RAD51B: variants seen among roughly 807,000 people sequenced by gnomAD.
RAD51B encodes DNA repair protein RAD51 homolog 2.
RAD51B carries 38 observed loss-of-function variants against 42.2 expected under a neutral mutation model. The observed-to-expected ratio is 0.90, with a 90% CI of 0.70 to 1.18. The LOEUF is 1.18. Ranked by LOEUF, RAD51B falls within the 50% of genes most tolerant of loss-of-function variation. The probability of loss-of-function intolerance (pLI) is 0.00; values close to 1 mark genes in which losing one functional copy is unlikely to be tolerated. For synonymous variants in RAD51B, 154 were observed against 145.2 expected (o/e 1.06, Z -0.43); for missense variants, 373 against 400.7 (o/e 0.93, Z 0.59).
chr14:68,596,500 G>A (rs1348183605), downstream of RAD51B, among the ~76,000 whole-genome samples: 2 of 152,190 alleles, frequency 1.3e-5, no homozygotes, highest in Non-Finnish European at 2.9e-5. Flanking sequence ...GAAGGATGAT[G>A]AAGGGAATTG....
Position 68,553,977 on chromosome 14 carries a change from T to G in RAD51B, c.1037-40508T>G, listed in dbSNP as rs1016716182. ...ACCCTGAGTTACTTTTAGGGTATAA[T>G]AATAACAACAATGAAAACTTTCTAC... On this transcript the variant is annotated intron_variant, in intron 10 of 10. Transcript: ENST00000487270. 9.8e-5 allele frequency among the ~76,000 whole-genome samples: 15 copies of G among 152,294 alleles called. No homozygotes were observed. In the South Asian group the frequency reaches 1.5e-3, roughly 15 times the overall value.
intron 7 of RAD51B, among the ~76,000 whole-genome samples, chr14:68,241,573 C>A (rs899132883): frequency 1.3e-5 from 2 of 152,104 alleles, no homozygotes; most frequent in African/African-American, 4.8e-5. Context: ...AATTGTCAAT[C>A]ATGGTGTCAT....
At chr14:68,535,807 G>A (rs978070283) in intron 10 of RAD51B, among the ~76,000 whole-genome samples, 4 of 152,168 alleles carry the variant, frequency 2.6e-5, no homozygotes, top group African/African-American at 9.7e-5. Flanking sequence ...CTAACTCTCA[G>A]TGAGATACAT....
chr14:68,367,335 G>A (rs921801664), intron 8 of RAD51B, among the ~76,000 whole-genome samples: 4 of 152,212 alleles, frequency 2.6e-5, no homozygotes, highest in Admixed American at 6.5e-5. Context: ...ATCATTGAGT[G>A]TGAGGATTCC....
downstream of RAD51B, among the ~76,000 whole-genome samples, chr14:68,613,076 A>G (rs1382859595): frequency 1.3e-5 from 2 of 152,232 alleles, no homozygotes. Context: ...GGCCTGCCCC[A>G]TGACTAATAG....
At chr14:68,411,394 T>C (rs1364766910) in intron 8 of RAD51B, 30 bp from the exon 9 acceptor site, 2 of 1,591,592 alleles carry the variant, frequency 1.3e-6, no homozygotes, top group Non-Finnish European at 1.7e-6. Flanking sequence ...AAAGGGCATC[T>C]GAAAGCGTGC....
At chr14:68,615,338 T>C (rs1891803268), downstream of RAD51B, among the ~76,000 whole-genome samples, 1 of 152,210 alleles carries the variant, frequency 6.6e-6, no homozygotes, top group African/African-American at 2.4e-5. Flanking sequence ...TTGTTAAATC[T>C]TCTTAAATTT....
At chr14:68,638,581 T>G (rs1052908826) in intron 10 of RAD51B, among the ~76,000 whole-genome samples, 4 of 152,086 alleles carry the variant, frequency 2.6e-5, no homozygotes, top group African/African-American at 9.7e-5. Context: ...CAAGGGTTGC[T>G]GGGTGATGGG....
intron 7 of RAD51B, among the ~76,000 whole-genome samples, chr14:68,180,472 G>A (rs944733073): frequency 6.6e-6 from 1 of 152,058 alleles, no homozygotes; most frequent in Non-Finnish European, 1.5e-5. Context: ...TAATGAAAAA[G>A]TATCATCATG....
At chr14:68,521,471 T>C (rs1343612125) in intron 10 of RAD51B, among the ~76,000 whole-genome samples, 1 of 152,248 alleles carries the variant, frequency 6.6e-6, no homozygotes, top group Non-Finnish European at 1.5e-5. Flanking sequence ...AGACCCAAGC[T>C]CTTTGCTCCC....
At chr14:68,279,389 G>A (rs1408365903) in intron 7 of RAD51B, among the ~76,000 whole-genome samples, 2 of 152,228 alleles carry the variant, frequency 1.3e-5, no homozygotes, top group African/African-American at 4.8e-5. Flanking sequence ...TGGGACTTTA[G>A]GTATGTAGGA....
At chr14:68,344,520 G>A (rs1397011582) in intron 8 of RAD51B, among the ~76,000 whole-genome samples, 3 of 152,264 alleles carry the variant, frequency 2.0e-5, no homozygotes, top group South Asian at 4.1e-4. Context: ...GGTGGTGGGC[G>A]CCTGTAGTCC....
At chr14:68,289,169 A>G (rs969851666) in intron 7 of RAD51B, among the ~76,000 whole-genome samples, 10 of 152,206 alleles carry the variant, frequency 6.6e-5, no homozygotes, top group Admixed American at 2.6e-4. Context: ...GGCATATACT[A>G]ATTTATTAAC....
intron 7 of RAD51B, among the ~76,000 whole-genome samples, chr14:67,940,031 TATATATATATATATATATATATA>T (rs1204724394): frequency 5.0e-4 from 4 of 7,990 alleles, no homozygotes; most frequent in African/African-American, 7.4e-4. Flanking sequence ...TGCATATATA[TATATATATATATATATATATATA>T]TTTTTTTTTT....
chr14:68,064,365 G>A (rs181704752), intron 7 of RAD51B, among the ~76,000 whole-genome samples: 21 of 152,148 alleles, frequency 1.4e-4, no homozygotes, highest in Admixed American at 1.4e-3. Context: ...CTTTTCCTAT[G>A]CTGTTTTACA....
chr14:68,617,447 T>C (rs1891848643), intron 10 of RAD51B, among the ~76,000 whole-genome samples: 1 of 152,166 alleles, frequency 6.6e-6, no homozygotes, highest in Non-Finnish European at 1.5e-5. Flanking sequence ...CTTCTGGTCA[T>C]TCTTTGCCCA....
chr14:68,326,027 C>CTTTTTTTTTT lies in RAD51B; in HGVS notation c.853+34052_853+34053insTTTTTTTTTT, dbSNP rs1156621815. On this transcript the variant is annotated intron_variant, in intron 8 of 10. Coordinates refer to ENST00000471583, the MANE Select transcript of RAD51B (RefSeq NM_133510.4). ...ATACTAATTGAATAATGTTGTTATT[C>CTTTTTTTTTT]TTTTTCTTTTCTTTTTTTTTTTTTT... is the stretch of plus-strand genomic sequence containing the variant. 5.8e-5 allele frequency among the ~76,000 whole-genome samples: 3 copies of CTTTTTTTTTT among 51,636 alleles called. 1 individual carries two copies. Among genetic ancestry groups the CTTTTTTTTTT allele is most frequent in the Non-Finnish European group, 1.3e-4 (3 of 23,512 alleles). The allele number at this position is 51,636 out of a possible 152,430, so 33.9% of individuals were successfully genotyped here. A position where few individuals can be genotyped will look rare whatever the true frequency, so the allele number is the denominator to read the frequency against.
At chr14:68,621,120 ATCAT>A in intron 10 of RAD51B, among the ~76,000 whole-genome samples, 1 of 152,236 alleles carries the variant, frequency 6.6e-6, no homozygotes, top group African/African-American at 2.4e-5. Context: ...TCCTTCCTTT[ATCAT>A]TCATTCAATC....
intron 9 of RAD51B, among the ~76,000 whole-genome samples, chr14:68,419,801 C>T (rs2084653858): frequency 6.8e-6 from 1 of 146,324 alleles, no homozygotes; most frequent in Non-Finnish European, 1.6e-5. Flanking sequence ...TTTGAAAAAG[C>T]AGGGCAGGAC....
Sources: allele counts gnomAD v4.1 joint callset (sites outside exome capture counted in the v4.1 genomes callset), GRCh38; gene constraint gnomAD v4.1.1; transcripts MANE v1.5; gene names NCBI Gene and HGNC (gene_info 2026-07-23, HGNC 2026-07-21).